Variants in UNC5C observed in about 807,000 individuals in gnomAD.
The protein encoded by UNC5C is unc-5 netrin receptor C, also known as netrin receptor UNC5C.
A neutral mutation model predicts 99.8 loss-of-function variants in UNC5C; 47 were observed. The observed-to-expected ratio is 0.47, with a 90% CI of 0.37 to 0.60. UNC5C has a LOEUF of 0.60. UNC5C is among the 20% of genes least tolerant of loss of function. The pLI, the probability that UNC5C is intolerant of heterozygous loss-of-function variation, is 0.00. For synonymous variants in UNC5C, 487 were observed against 452.2 expected (o/e 1.08, Z -0.98); for missense variants, 1,062 against 1,165.9 (o/e 0.91, Z 1.30).
At chr4:95,177,818 C>G (rs1736432517) in intron 14 of UNC5C, among the ~76,000 whole-genome samples, 2 of 151,900 alleles carry the variant, frequency 1.3e-5, no homozygotes, top group South Asian at 2.1e-4. Flanking sequence ...CCTCCCACCT[C>G]AGTCTCCCAA....
At chr4:95,346,563 A>G (rs1743781023) in intron 1 of UNC5C, among the ~76,000 whole-genome samples, 1 of 152,014 alleles carries the variant, frequency 6.6e-6, no homozygotes, top group Non-Finnish European at 1.5e-5. Flanking sequence ...ATTTAACAAC[A>G]CATTAAAAAG....
At chr4:95,288,764 T>C (rs1741335581) in intron 3 of UNC5C, among the ~76,000 whole-genome samples, 1 of 152,198 alleles carries the variant, frequency 6.6e-6, no homozygotes, top group Non-Finnish European at 1.5e-5. Flanking sequence ...CACTGCATTC[T>C]CTTCTTCAAT....
intron 4 of UNC5C, among the ~76,000 whole-genome samples, chr4:95,259,008 G>A (rs546143460): frequency 2.6e-5 from 4 of 151,362 alleles, no homozygotes; most frequent in Admixed American, 6.6e-5. Context: ...TGATCCACCC[G>A]CCTCGGCCTC....
At chr4:95,242,783 A>T (rs1315777159) in intron 6 of UNC5C, among the ~76,000 whole-genome samples, 190 bp from the exon 7 acceptor site, 1 of 152,152 alleles carries the variant, frequency 6.6e-6, no homozygotes, top group Admixed American at 6.5e-5. Context: ...TTTCCTATAG[A>T]GTGTGTGAGT....
chr4:95,291,958 C>T (rs1199152603), intron 3 of UNC5C, among the ~76,000 whole-genome samples: 1 of 151,958 alleles, frequency 6.6e-6, no homozygotes, highest in Non-Finnish European at 1.5e-5. Flanking sequence ...GGGGAGCCTG[C>T]TGAATCCTGC....
intron 1 of UNC5C, among the ~76,000 whole-genome samples, chr4:95,378,478 T>C (rs1376832705): frequency 6.6e-6 from 1 of 152,160 alleles, no homozygotes; most frequent in Non-Finnish European, 1.5e-5. Flanking sequence ...ACTTTTTGCA[T>C]TTACTTAAAC....
chr4:95,490,879 A>G (rs2149481261), intron 1 of UNC5C, among the ~76,000 whole-genome samples: 1 of 151,864 alleles, frequency 6.6e-6, no homozygotes, highest in African/African-American at 2.4e-5. Context: ...GTCTCGTTTC[A>G]TTGTACTAGG....
chr4:95,507,316 T>C (rs996605016), intron 1 of UNC5C, among the ~76,000 whole-genome samples: 1 of 151,976 alleles, frequency 6.6e-6, no homozygotes, highest in East Asian at 1.9e-4. Flanking sequence ...TTAGGATAGA[T>C]AAACGACAGC....
At chr4:95,393,935 G>C (rs1333662683) in intron 1 of UNC5C, among the ~76,000 whole-genome samples, 5 of 149,630 alleles carry the variant, frequency 3.3e-5, no homozygotes, top group Admixed American at 2.0e-4. Flanking sequence ...ATTTAAACAA[G>C]ATTAAAGTCA....
At chr4:95,215,807 G>A (rs1457394322) in intron 10 of UNC5C, among the ~76,000 whole-genome samples, 3 of 152,036 alleles carry the variant, frequency 2.0e-5, no homozygotes, top group East Asian at 1.9e-4. Context: ...TGAAGTCGAC[G>A]TCTCTGTGTC....
chr4:95,460,562 C>A (rs571458038), intron 1 of UNC5C, among the ~76,000 whole-genome samples: 1 of 152,260 alleles, frequency 6.6e-6, no homozygotes, highest in African/African-American at 2.4e-5. Context: ...AAACCCCTTT[C>A]ACTTGGCTCT....
intron 1 of UNC5C, among the ~76,000 whole-genome samples, chr4:95,384,336 A>G (rs1202200186): frequency 6.6e-6 from 1 of 152,180 alleles, no homozygotes; most frequent in Non-Finnish European, 1.5e-5. Flanking sequence ...TTACAAATAC[A>G]GGAGTAATAG....
intron 1 of UNC5C, among the ~76,000 whole-genome samples, chr4:95,437,620 A>G (rs1266606551): frequency 6.6e-6 from 1 of 152,062 alleles, no homozygotes; most frequent in Admixed American, 6.6e-5. Flanking sequence ...TTTGACTATC[A>G]GACATCACCC....
intron 2 of UNC5C, among the ~76,000 whole-genome samples, chr4:95,321,158 T>G (rs1321997583): frequency 6.6e-6 from 1 of 152,132 alleles, no homozygotes; most frequent in Non-Finnish European, 1.5e-5. Flanking sequence ...TGGGATATAA[T>G]TAAATTAAAA....
At chr4:95,296,034 G>A (rs1051569611) in intron 3 of UNC5C, among the ~76,000 whole-genome samples, 9 of 152,202 alleles carry the variant, frequency 5.9e-5, no homozygotes, top group African/African-American at 2.2e-4. Flanking sequence ...GTTGCAATGA[G>A]CCGAGATTGT....
intron 7 of UNC5C, 33 bp downstream of exon 7, chr4:95,242,396 C>T (rs1203011667): frequency 6.2e-7 from 1 of 1,613,102 alleles, no homozygotes; most frequent in South Asian, 1.1e-5. Flanking sequence ...CTCCAGCCCC[C>T]TCAATGTCTG....
chr4:95,238,302 T>C (rs959386824), intron 7 of UNC5C, among the ~76,000 whole-genome samples: 1 of 152,178 alleles, frequency 6.6e-6, no homozygotes, highest in African/African-American at 2.4e-5. Context: ...GCCAATTTCC[T>C]ACCCTTAAAA....
chr4:95,389,424 T>C (rs1387174057), intron 1 of UNC5C, among the ~76,000 whole-genome samples: 1 of 152,190 alleles, frequency 6.6e-6, no homozygotes, highest in Non-Finnish European at 1.5e-5. Context: ...ATGAACTTTT[T>C]ATCTCTCTTC....
rs577120624 is a variant in UNC5C at position 95,410,977 on chromosome 4, C to T, written c.125-75346G>A. On this transcript the variant is annotated intron_variant, in intron 1 of 15. Transcript: ENST00000453304. ...TAATTTGTCAGGAAAGGGACAAATG[C>T]TGCAATAACAATGTCCACCTAAACT... Among the ~76,000 whole-genome samples the T allele has an allele frequency of 3.9e-5, 6 of 152,276 alleles. No homozygotes were observed. The East Asian group carries it at 1.2e-3, about 29-fold the overall frequency.
Sources: gnomAD v4.1 joint callset for allele counts (sites outside exome capture counted in the v4.1 genomes callset) on GRCh38, gnomAD v4.1.1 for gene constraint, MANE v1.5 for transcripts, NCBI Gene and HGNC (gene_info 2026-07-23, HGNC 2026-07-21) for gene names.